Variants in P2RY2 observed in about 807,000 individuals in gnomAD.
P2RY2 encodes the protein purinergic receptor P2Y2, also known as P2Y purinoceptor 2.
For synonymous variants in P2RY2, 241 were observed against 231.9 expected, an observed-to-expected ratio of 1.04 and a Z score of -0.35; for missense variants, 567 against 515.7, an observed-to-expected ratio of 1.10 and a Z score of -0.96.
chr11:73,219,560 C>T (rs955170740), intron 1 of P2RY2, among the ~76,000 whole-genome samples: 2 of 152,206 alleles, frequency 1.3e-5, no homozygotes, highest in Non-Finnish European at 1.5e-5. Context: ...GGAAGTCAGT[C>T]CCTGGAAGGA....
rs560213266 is a variant in P2RY2 at position 73,225,865 on chromosome 11, G to A, written c.-199-2116G>A. Reference sequence around the variant, plus strand: ...GGACAGAGAGGATGGGCTTTCTGGAGGGATGGTGGGTACCAGATCAGCCAG... The same window carrying A: ...GGACAGAGAGGATGGGCTTTCTGGAAGGATGGTGGGTACCAGATCAGCCAG... On this transcript the variant is annotated intron_variant, in intron 1 of 2. Coordinates refer to ENST00000393597, the MANE Select transcript of P2RY2 (RefSeq NM_002564.4). Among the ~76,000 whole-genome samples the A allele has an allele frequency of 3.3e-5, 5 of 152,346 alleles. No homozygotes were observed. In the South Asian group the frequency reaches 8.3e-4, roughly 25 times the overall value.
At chr11:73,232,357 T>A (rs1296705924) in intron 2 of P2RY2, among the ~76,000 whole-genome samples, 2 of 152,156 alleles carry the variant, frequency 1.3e-5, no homozygotes, top group African/African-American at 4.8e-5. Context: ...GCCTCTTGAT[T>A]GGAGAACTGG....
intron 1 of P2RY2, among the ~76,000 whole-genome samples, chr11:73,219,105 G>T (rs1319957245): frequency 2.0e-5 from 3 of 152,230 alleles, no homozygotes; most frequent in African/African-American, 7.2e-5. Flanking sequence ...CGCAGCCCAA[G>T]GGTTGGGGAC....
chr11:73,226,011 A>G (rs1862266605), intron 1 of P2RY2, among the ~76,000 whole-genome samples: 1 of 152,182 alleles, frequency 6.6e-6, no homozygotes, highest in Admixed American at 6.5e-5. Flanking sequence ...TGCAGTGTGA[A>G]AGGTGGACAG....
chr11:73,228,414 C>T (rs1862350189), intron 2 of P2RY2, among the ~76,000 whole-genome samples: 1 of 152,224 alleles, frequency 6.6e-6, no homozygotes, highest in African/African-American at 2.4e-5. Context: ...ATAGCTTAAC[C>T]TCTATGGCAA....
At chr11:73,225,032 A>G (rs1270580952) in intron 1 of P2RY2, among the ~76,000 whole-genome samples, 1 of 152,136 alleles carries the variant, frequency 6.6e-6, no homozygotes, top group African/African-American at 2.4e-5. Context: ...TGCCCCCTCA[A>G]TGAGGTTCTG....
rs1565142922 is a variant in P2RY2 at position 73,234,247 on chromosome 11, GACTTCAAGTACGTGC to G, written c.89_103del (p.Asp30_Leu35delinsVal). 6.2e-7 allele frequency: 1 copy of G among 1,614,232 alleles called. No homozygotes were observed. Among genetic ancestry groups the G allele is most frequent in the Non-Finnish European group, 8.5e-7 (1 of 1,180,044 alleles). On this transcript the variant is annotated inframe_deletion, in exon 3 of 3. Coordinates refer to ENST00000393597, the MANE Select transcript of P2RY2 (RefSeq NM_002564.4). ...GGGCTACAGGTGCCGCTTCAACGAG[GACTTCAAGTACGTGC>G]TGCTGCCTGTGTCCTACGGCGTGGT...
Position 73,235,757 on chromosome 11 carries a change from G to C in P2RY2, c.*464G>C. 1.0e-6 allele frequency: 1 copy of C among 1,004,096 alleles called. No homozygotes were observed. Among genetic ancestry groups the C allele is most frequent in the Non-Finnish European group, 1.2e-6 (1 of 832,830 alleles). 62.2% of individuals were successfully genotyped at this position (1,004,096 alleles called of 1,614,324 possible). On this transcript the variant is annotated 3_prime_UTR_variant, in exon 3 of 3. Coordinates refer to ENST00000393597, the MANE Select transcript of P2RY2 (RefSeq NM_002564.4). ...AAAACCCTGGTAAGTAATGAGGGCTGAGTTTGCACAGTGGTCTGGAATGGA... is the reference window on the plus strand; with the variant it reads ...AAAACCCTGGTAAGTAATGAGGGCTCAGTTTGCACAGTGGTCTGGAATGGA...
intron 2 of P2RY2, among the ~76,000 whole-genome samples, chr11:73,231,431 C>A (rs1370760362): frequency 6.6e-6 from 1 of 151,236 alleles, no homozygotes; most frequent in Non-Finnish European, 1.5e-5. Context: ...GTGGCACACA[C>A]CCGTAATCCC....
intron 2 of P2RY2, among the ~76,000 whole-genome samples, chr11:73,233,331 C>T (rs1204604096): frequency 2.6e-5 from 4 of 152,210 alleles, no homozygotes; most frequent in Non-Finnish European, 4.4e-5. Flanking sequence ...GAAATACTTC[C>T]TCAAATACCA....
chr11:73,225,752 G>T (rs1862259233), intron 1 of P2RY2, among the ~76,000 whole-genome samples: 1 of 152,250 alleles, frequency 6.6e-6, no homozygotes, highest in African/African-American at 2.4e-5. Flanking sequence ...TGTGATATAG[G>T]TGTTAGATGA....
At chr11:73,226,770 C>T (rs1289865930) in intron 1 of P2RY2, among the ~76,000 whole-genome samples, 1 of 152,172 alleles carries the variant, frequency 6.6e-6, no homozygotes, top group Non-Finnish European at 1.5e-5. Flanking sequence ...TCCCTGAAAC[C>T]CTGTGCTTGG....
chr11:73,225,879 C>T (rs1007847659), intron 1 of P2RY2, among the ~76,000 whole-genome samples: 5 of 152,176 alleles, frequency 3.3e-5, no homozygotes, highest in Non-Finnish European at 7.3e-5. Context: ...TGGTGGGTAC[C>T]AGATCAGCCA....
rs1352802800 is a variant in P2RY2, at chr11:73,236,872, C to T, written c.*1579C>T. ...CCACTCTGGGCTGACGTGTGGCGCT[C>T]AGCTGGACAGGGCCCCGCCCTAGCC... On this transcript the variant is annotated 3_prime_UTR_variant, in exon 3 of 3. Coordinates refer to ENST00000393597, the MANE Select transcript of P2RY2 (RefSeq NM_002564.4). The T allele has an allele frequency of 1.0e-6, 1 of 985,188 alleles. No individual in the cohort carries two copies. The highest frequency in any genetic ancestry group is 1.1e-4 in the East Asian group (1 of 8,802). The allele number at this position is 985,188 out of a possible 1,614,324, so 61.0% of individuals were successfully genotyped here. A position where few individuals can be genotyped will look rare whatever the true frequency, so the allele number is the denominator to read the frequency against.
At chr11:73,232,796 T>C (rs369089280) in intron 2 of P2RY2, among the ~76,000 whole-genome samples, 2 of 152,184 alleles carry the variant, frequency 1.3e-5, no homozygotes, top group African/African-American at 4.8e-5. Flanking sequence ...TAGAAAGTGC[T>C]TTTTTGTGTT....
chr11:73,235,552 AC>A lies in P2RY2; in HGVS notation c.*263del. On this transcript the variant is annotated 3_prime_UTR_variant, in exon 3 of 3. Coordinates refer to ENST00000393597, the MANE Select transcript of P2RY2 (RefSeq NM_002564.4). ...AAGGCAAGAGCTCAAGGTCAATGAC[AC>A]CCCTGGCCTGACTCCCATGCAAGTA... 1 of 1,204,430 alleles carries A rather than the reference AC, an allele frequency of 8.3e-7. No individual in the cohort carries two copies. Among genetic ancestry groups the A allele is most frequent in the Non-Finnish European group, 1.0e-6 (1 of 961,246 alleles). 74.6% of individuals were successfully genotyped at this position (1,204,430 alleles called of 1,614,324 possible).
At chr11:73,225,633 C>T (rs1862255757) in intron 1 of P2RY2, among the ~76,000 whole-genome samples, 1 of 98,846 alleles carries the variant, frequency 1.0e-5, no homozygotes, top group South Asian at 2.5e-4. Flanking sequence ...CCTCTGAAAT[C>T]AGACAGCCCA....
At chr11:73,225,955 G>A (rs1862265200) in intron 1 of P2RY2, among the ~76,000 whole-genome samples, 1 of 152,170 alleles carries the variant, frequency 6.6e-6, no homozygotes, top group Admixed American at 6.5e-5. Flanking sequence ...CACAAACATG[G>A]CTCAACAATG....
intron 2 of P2RY2, 71 bp from the exon 3 acceptor site, chr11:73,234,085 G>T: frequency 6.6e-7 from 1 of 1,513,902 alleles, no homozygotes. Context: ...CCCTGGTCAG[G>T]TGGCTGTGTC....
Sources: gnomAD v4.1 joint callset for allele counts (sites outside exome capture counted in the v4.1 genomes callset) on GRCh38, gnomAD v4.1.1 for gene constraint, MANE v1.5 for transcripts, NCBI Gene and HGNC (gene_info 2026-07-23, HGNC 2026-07-21) for gene names.